Variants in DAW1 observed in about 807,000 individuals in gnomAD.
DAW1 encodes dynein assembly factor with WD repeats 1.
A neutral mutation model predicts 56.5 loss-of-function variants in DAW1; 47 were observed. The observed-to-expected ratio is 0.83, with a 90% CI of 0.66 to 1.06. The LOEUF is 1.06. Ranked by LOEUF, DAW1 falls within the 50% of genes least tolerant of loss-of-function variation. DAW1 has a pLI of 0.00. For missense variants in DAW1, 505 were observed against 499.3 expected (o/e 1.01, Z -0.11); for synonymous variants, 190 against 179.0 (o/e 1.06, Z -0.49).
intron 10 of DAW1, among the ~76,000 whole-genome samples, chr2:227,909,935 A>T (rs1202625394): frequency 6.6e-6 from 1 of 152,168 alleles, no homozygotes. Context: ...AGTCAAGTTG[A>T]CACATAAAAT....
At chr2:227,906,090 A>G in intron 8 of DAW1, 146 bp from the exon 9 acceptor site, 1 of 549,498 alleles carries the variant, frequency 1.8e-6, no homozygotes. Flanking sequence ...TTTGAGCAAT[A>G]GTAGAGCCAT....
intron 10 of DAW1, among the ~76,000 whole-genome samples, chr2:227,910,148 T>A (rs1691780456): frequency 6.6e-6 from 1 of 152,180 alleles, no homozygotes; most frequent in South Asian, 2.1e-4. Context: ...TCATGTATGA[T>A]GCTATATAAT....
chr2:227,885,242 A>G (rs1402347356), intron 1 of DAW1, 109 bp from the exon 2 acceptor site: 1 of 730,388 alleles, frequency 1.4e-6, no homozygotes, highest in African/African-American at 1.8e-5. Context: ...TTTGTTAAAA[A>G]ATTAAAAATT....
intron 10 of DAW1, among the ~76,000 whole-genome samples, chr2:227,910,548 A>G (rs996430505): frequency 2.0e-4 from 29 of 146,916 alleles, no homozygotes; most frequent in Admixed American, 5.5e-4. Context: ...AGACAGCCAT[A>G]TGTGGTGTTA....
chr2:227,913,881 A>ATCTATCTC, intron 10 of DAW1, among the ~76,000 whole-genome samples: 1 of 120,390 alleles, frequency 8.3e-6, no homozygotes, highest in Non-Finnish European at 1.9e-5. Context: ...ATATCTATCT[A>ATCTATCTC]TCTGTCTGTC....
intron 10 of DAW1, among the ~76,000 whole-genome samples, chr2:227,913,523 AT>A (rs1287763471): frequency 6.6e-6 from 1 of 152,144 alleles, no homozygotes; most frequent in Admixed American, 6.5e-5. Context: ...AATATAGGTT[AT>A]TTCCATGAGG....
At chr2:227,874,339 C>T (rs1171921120) in intron 1 of DAW1, among the ~76,000 whole-genome samples, 1 of 152,192 alleles carries the variant, frequency 6.6e-6, no homozygotes, top group Non-Finnish European at 1.5e-5. Context: ...TTATTTGATT[C>T]TTTCTCTTCA....
At chr2:227,890,313 C>A (rs1017440460) in intron 3 of DAW1, among the ~76,000 whole-genome samples, 2 of 151,962 alleles carry the variant, frequency 1.3e-5, no homozygotes, top group African/African-American at 4.8e-5. Flanking sequence ...GTTAAAGTAA[C>A]GTTAAGAAGT....
rs368357827 is a variant in DAW1, at chr2:227,918,669, T to C, written c.974-111T>C. 8.5e-6 allele frequency: 10 copies of C among 1,174,780 alleles called. No individual in the cohort carries two copies. The East Asian group carries it at 1.8e-4, about 21-fold the overall frequency. 72.8% of individuals were successfully genotyped at this position (1,174,780 alleles called of 1,614,324 possible). Reference sequence around the variant, plus strand: ...CTCAACACAGGCAAGAAGATGAACTTAGCACAGAGCTCGTGTGTCAGGGGG... The same window carrying C: ...CTCAACACAGGCAAGAAGATGAACTCAGCACAGAGCTCGTGTGTCAGGGGG... On this transcript the variant is annotated intron_variant, in intron 10 of 12. Coordinates refer to ENST00000309931, the MANE Select transcript of DAW1 (RefSeq NM_178821.3).
chr2:227,877,845 C>T (rs1223026209), intron 1 of DAW1, among the ~76,000 whole-genome samples: 1 of 152,236 alleles, frequency 6.6e-6, no homozygotes, highest in South Asian at 2.1e-4. Flanking sequence ...TGGGCCCTAA[C>T]GGCCACAGAC....
In DAW1 at chr2:227,918,842, G is replaced by A. The variant is rs1302976096; in HGVS notation, c.1036G>A (p.Gly346Ser). 1 of 1,614,004 alleles carries A rather than the reference G, an allele frequency of 6.2e-7. No homozygotes were observed. Among genetic ancestry groups the A allele is most frequent in the East Asian group, 2.2e-5 (1 of 44,872 alleles). Residue 346 changes from glycine to serine, a missense_variant, in exon 11 of 13, where the codon GGT (glycine) becomes AGT (serine). Coordinates refer to ENST00000309931, the MANE Select transcript of DAW1 (RefSeq NM_178821.3). ...KCIAKLEGHE[G>S]EISKISFNPQ... ...CATTGCCAAACTGGAAGGTCATGAA[G>A]GTGAAATTTCAAAGGTGAGTCGCTT...
chr2:227,875,193 A>G (rs1690851902), intron 1 of DAW1, among the ~76,000 whole-genome samples: 1 of 152,056 alleles, frequency 6.6e-6, no homozygotes, highest in African/African-American at 2.4e-5. Flanking sequence ...ACATCCACTA[A>G]CAAATCCTGC....
At chr2:227,916,809 C>T (rs1307407682) in intron 10 of DAW1, among the ~76,000 whole-genome samples, 1 of 152,146 alleles carries the variant, frequency 6.6e-6, no homozygotes, top group Non-Finnish European at 1.5e-5. Flanking sequence ...GCGTTATCTC[C>T]TTTAAATCCT....
chr2:227,909,360 A>G (rs1691765475), intron 10 of DAW1, among the ~76,000 whole-genome samples: 1 of 147,942 alleles, frequency 6.8e-6, no homozygotes, highest in African/African-American at 2.5e-5. Flanking sequence ...ACATTTTTAT[A>G]TATTATATAT....
chr2:227,923,367 T>G (rs888970635), intron 12 of DAW1, among the ~76,000 whole-genome samples: 1 of 152,216 alleles, frequency 6.6e-6, no homozygotes, highest in Non-Finnish European at 1.5e-5. Flanking sequence ...TGTTAAAACA[T>G]GAAGTGTCAT....
intron 1 of DAW1, among the ~76,000 whole-genome samples, chr2:227,882,008 T>A (rs1691024142): frequency 6.6e-6 from 1 of 152,102 alleles, no homozygotes; most frequent in Non-Finnish European, 1.5e-5. Context: ...TGCCTTGGCC[T>A]CCCAAAGTGG....
chr2:227,920,777 A>G (rs1224925199), intron 11 of DAW1, among the ~76,000 whole-genome samples: 2 of 152,038 alleles, frequency 1.3e-5, no homozygotes, highest in Non-Finnish European at 1.5e-5. Context: ...CCCAGGTTTA[A>G]GCGATTCTCC....
At chr2:227,907,025 T>C (rs902123280) in intron 9 of DAW1, 113 bp from the exon 10 acceptor site, 29 of 658,180 alleles carry the variant, frequency 4.4e-5, no homozygotes, top group Non-Finnish European at 6.6e-5. Flanking sequence ...AAGTGATTTT[T>C]GCACAGTTAT....
rs1345160285 is a variant in DAW1, at chr2:227,918,847, A to G, written c.1041A>G (p.Glu347=). ...CCAAACTGGAAGGTCATGAAGGTGA[A>G]ATTTCAAAGGTGAGTCGCTTTCTCA... The part of the protein sequence containing the change: ...CIAKLEGHEG[E]ISKISFNPQG... The change falls in exon 11 of 13, where the codon GAA becomes GAG. Residue 347 remains glutamate, a synonymous_variant. Coordinates refer to ENST00000309931, the MANE Select transcript of DAW1 (RefSeq NM_178821.3). 1 of 1,614,018 alleles carries G rather than the reference A, an allele frequency of 6.2e-7. No individual in the cohort carries two copies. The highest frequency in any genetic ancestry group is 2.2e-5 in the East Asian group (1 of 44,898).
Sources: allele counts gnomAD v4.1 joint callset (sites outside exome capture counted in the v4.1 genomes callset), GRCh38; gene constraint gnomAD v4.1.1; transcripts MANE v1.5; gene names NCBI Gene and HGNC (gene_info 2026-07-23, HGNC 2026-07-21).